The following KRT9 variants were observed in gnomAD, a reference collection of about 807,000 sequenced individuals.
KRT9 encodes the protein keratin 9.
In KRT9, 34 loss-of-function variants were observed where a neutral mutation model predicts 51.4. The observed-to-expected ratio is 0.66, with a 90% CI of 0.50 to 0.88. The LOEUF (loss-of-function observed/expected upper bound fraction) is 0.88. Among genes scored for constraint, KRT9 ranks in the 40% least tolerant of loss-of-function variants. The pLI is 0.00. For missense variants in KRT9, 753 were observed against 790.3 expected, an observed-to-expected ratio of 0.95 and a Z score of 0.57; for synonymous variants, 292 against 289.7, an observed-to-expected ratio of 1.01 and a Z score of -0.08.
chr17:41,568,768 T>C (rs1383013468), intron 4 of KRT9, 135 bp from the exon 5 acceptor site: 2 of 1,185,960 alleles, frequency 1.7e-6, no homozygotes, highest in Non-Finnish European at 1.2e-6. Context: ...TTCTGAGTTC[T>C]GGGTACCCTC....
rs188063906 is a variant in KRT9 at position 41,568,443 on chromosome 17, A to T, written c.1171-58T>A. ...CTACATCATAACTCCTCTTCTTCCC[A>T]CTCCTGGGCTGCAAAGACTTCCTGT... On this transcript the variant is annotated intron_variant, in intron 5 of 7. Transcript: ENST00000246662. 277 of 1,613,144 alleles carry T rather than the reference A, an allele frequency of 1.7e-4. 1 individual carries two copies. The highest frequency in any genetic ancestry group is 3.0e-4 in the Admixed American group (18 of 59,942).
intron 3 of KRT9, 75 bp downstream of exon 3, chr17:41,569,784 T>A: frequency 6.3e-7 from 1 of 1,585,340 alleles, no homozygotes; most frequent in Non-Finnish European, 8.7e-7. Context: ...CCAGGTAATG[T>A]TCCAAAGCTC....
intron 7 of KRT9, 79 bp downstream of exon 7, chr17:41,567,154 C>T: frequency 7.0e-6 from 11 of 1,579,472 alleles, no homozygotes; most frequent in Non-Finnish European, 9.4e-6. Flanking sequence ...TCTGTGTTCC[C>T]CAGAGATTCA....
At position 41,568,470 on chromosome 17, in the gene KRT9, C is replaced by A. The variant is rs749433660; in HGVS notation, c.1170+38G>T. The A allele has an allele frequency of 6.2e-6, 10 of 1,614,074 alleles. No homozygotes were observed. The Admixed American group carries it at 8.3e-5, about 13-fold the overall frequency. On this transcript the variant is annotated intron_variant, in intron 5 of 7. Coordinates refer to ENST00000246662, the MANE Select transcript of KRT9 (RefSeq NM_000226.4). ...TCCTGGGCTGCAAAGACTTCCTGTG[C>A]CCCACCTTGGCAAAGGGTCTATAGC...
intron 4 of KRT9, 55 bp downstream of exon 4, chr17:41,569,371 G>A: frequency 4.5e-6 from 7 of 1,546,294 alleles, no homozygotes; most frequent in Non-Finnish European, 6.2e-6. Context: ...TGGGAGGGAT[G>A]GAGATAGGAA....
In KRT9 at chr17:41,571,588, C is replaced by T; in HGVS notation, c.405G>A (p.Gly135=). ...CTCCTCCAGCACCACCTCCAAAGCC[C>T]CCAAACCCCCCAAACCCACTCCCAT... is the stretch of plus-strand genomic sequence containing the variant. ...GGYGSGFGGF[G]GFGGGAGGGD... is the part of the protein sequence containing the mutation. Residue 135 remains glycine, a synonymous_variant, in exon 1 of 8, where the codon GGG becomes GGA. Coordinates refer to ENST00000246662, the MANE Select transcript of KRT9 (RefSeq NM_000226.4). 1 of 1,598,832 alleles carries T rather than the reference C, an allele frequency of 6.3e-7. No individual in the cohort carries two copies. Among genetic ancestry groups the T allele is most frequent in the Non-Finnish European group, 8.5e-7 (1 of 1,169,632 alleles).
rs1906993752 is a variant in KRT9, at chr17:41,569,420, G to T, written c.1044+6C>A. 6.2e-7 allele frequency: 1 copy of T among 1,613,540 alleles called. No individual in the cohort carries two copies. The highest frequency in any genetic ancestry group is 1.3e-5 in the African/African-American group (1 of 75,008). ...GGAGGATGAATGGGCAGCCCACTCT[G>T]CTCACCTGAGTCTCATATTGATTCT... On this transcript the variant is annotated splice_donor_region_variant and intron_variant, in intron 4 of 7. Coordinates refer to ENST00000246662, the MANE Select transcript of KRT9 (RefSeq NM_000226.4).
chr17:41,566,677 A>G (rs1162638373), intron 7 of KRT9, among the ~76,000 whole-genome samples: 1 of 152,214 alleles, frequency 6.6e-6, no homozygotes, highest in Non-Finnish European at 1.5e-5. Context: ...TGATCTAGAG[A>G]CCAACTCACC....
chr17:41,566,659 A>G (rs1214096979), intron 7 of KRT9, among the ~76,000 whole-genome samples: 1 of 152,230 alleles, frequency 6.6e-6, no homozygotes, highest in African/African-American at 2.4e-5. Context: ...ACATGGGAAA[A>G]TGTTCCCTGA....
In KRT9 at chr17:41,571,459, G is replaced by C. The variant is rs759132079; in HGVS notation, c.534C>G (p.Asn178Lys). Reference protein sequence around the residue: ...LDKVQALEEANNDLENKIQDW... With the variant: ...LDKVQALEEAKNDLENKIQDW... Reference sequence around the variant, plus strand: ...CCTGGATCTTATTCTCCAGGTCGTTGTTGGCCTCCTCTAGAGCCTGCACCT... The same window carrying C: ...CCTGGATCTTATTCTCCAGGTCGTTCTTGGCCTCCTCTAGAGCCTGCACCT... Residue 178 changes from asparagine to lysine, a missense_variant, in exon 1 of 8, where the codon AAC (asparagine) becomes AAG (lysine). Asn to Lys is a moderately conservative substitution (Grantham distance 94, BLOSUM62 0). Coordinates refer to ENST00000246662, the MANE Select transcript of KRT9 (RefSeq NM_000226.4). 2 of 1,613,980 alleles carry C rather than the reference G, an allele frequency of 1.2e-6. No homozygotes were observed. The highest frequency in any genetic ancestry group is 1.7e-6 in the Non-Finnish European group (2 of 1,180,004).
chr17:41,568,203 G>A lies in KRT9; in HGVS notation c.1353C>T (p.Ile451=), dbSNP rs369840064. The A allele has an allele frequency of 1.6e-5, 26 of 1,613,862 alleles. No homozygotes were observed. The highest frequency in any genetic ancestry group is 9.4e-5 in the African/African-American group (7 of 74,862). Residue 451 remains isoleucine (I), a synonymous_variant, in exon 6 of 8, where the codon ATC becomes ATT. Coordinates refer to ENST00000246662, the MANE Select transcript of KRT9 (RefSeq NM_000226.4). ...CCTCAAGGAGGTTGTGGTAGGTCTC[G>A]ATTTCCTTCTCCAGCCGCATCTTAA... ...LSIKMRLEKE[I]ETYHNLLEGG...
rs886052911 is a variant in KRT9, at chr17:41,566,090, G to C, written c.*103C>G. The C allele has an allele frequency of 6.5e-6, 1 of 152,818 alleles. No homozygotes were observed. The highest frequency in any genetic ancestry group is 1.9e-4 in the East Asian group (1 of 5,200). 9.5% of individuals were successfully genotyped at this position (152,818 alleles called of 1,614,324 possible). A position where few individuals can be genotyped will look rare whatever the true frequency, so the allele number is the denominator to read the frequency against. On this transcript the variant is annotated 3_prime_UTR_variant, in exon 8 of 8. Coordinates refer to ENST00000246662, the MANE Select transcript of KRT9 (RefSeq NM_000226.4). ...GCTTCATCGGGAGTCTGCCCATCTG[G>C]GGATGCTCAGCTGGGGCTGGGCAGG...
chr17:41,569,667 A>T lies in KRT9; in HGVS notation c.883-80T>A, dbSNP rs993101513. ...TCAGAATTCTCCCTCTGGTCCCCCCAGGGTACAAAAAGGGGACACAGTTGT... is the reference window on the plus strand; with the variant it reads ...TCAGAATTCTCCCTCTGGTCCCCCCTGGGTACAAAAAGGGGACACAGTTGT... On this transcript the variant is annotated intron_variant, in intron 3 of 7. Transcript: ENST00000246662. The T allele has an allele frequency of 2.5e-6, 4 of 1,575,972 alleles. No homozygotes were observed. In the African/African-American group the frequency reaches 5.4e-5, roughly 21 times the overall value.
intron 1 of KRT9, among the ~76,000 whole-genome samples, 182 bp from the exon 2 acceptor site, chr17:41,570,402 G>T (rs1010084260): frequency 6.6e-6 from 1 of 152,228 alleles, no homozygotes; most frequent in African/African-American, 2.4e-5. Context: ...GATGTTTGGT[G>T]TGGCCTTCAT....
At position 41,568,375 on chromosome 17, in the gene KRT9, A is replaced by G; in HGVS notation, c.1181T>C (p.Leu394Pro). Residue 394 changes from leucine (L) to proline (P), a missense_variant, in exon 6 of 8, where the codon CTG (leucine) becomes CCG (proline). Around this residue, in one of 3 missense-constraint regions of KRT9, gnomAD observed 507 missense variants for 563.7 expected, o/e 0.90. Coordinates refer to ENST00000246662, the MANE Select transcript of KRT9 (RefSeq NM_000226.4). ...LQSQLSKKAA[L>P]EKSLEDTKNR... The stretch of plus-strand genomic sequence containing the variant: ...CTTCGTGTCTTCCAAGCTCTTCTCC[A>G]GAGCTGCTTTCTAAGGGTTAGGAGA... 6.2e-7 allele frequency: 1 copy of G among 1,614,112 alleles called. No individual in the cohort carries two copies. Among genetic ancestry groups the G allele is most frequent in the Non-Finnish European group, 8.5e-7 (1 of 1,179,990 alleles).
rs371291406 is a variant in KRT9, at chr17:41,569,996, G to A, written c.745C>T (p.Leu249=). Residue 249 remains leucine, a synonymous_variant, in exon 3 of 8, where the codon CTG becomes TTG. Transcript: ENST00000246662. The part of the protein sequence containing the change: ...FRIKFEMEQN[L]RQGVDADING... ...ATGTCAGCATCCACTCCTTGCCGCAGGTTTTGCTCCATCTCAAACCTGCAG... is the reference window on the plus strand; with the variant it reads ...ATGTCAGCATCCACTCCTTGCCGCAAGTTTTGCTCCATCTCAAACCTGCAG... The A allele has an allele frequency of 1.1e-4, 175 of 1,614,030 alleles. No homozygotes were observed. The highest frequency in any genetic ancestry group is 1.9e-5 in the Non-Finnish European group (23 of 1,180,036).
In KRT9 at chr17:41,571,873, G is replaced by GC; in HGVS notation, c.119dup (p.Gly41ArgfsTer11). The stretch of plus-strand genomic sequence containing the variant: ...AGCTGAATCGGCCCCCTCCTCCACC[G>GC]CCCCCTGAGGAGCTGAAGCGGCTGT... On this transcript the variant is annotated frameshift_variant, in exon 1 of 8. Transcript: ENST00000246662. LOFTEE classifies it high-confidence loss of function. 3 of 1,602,722 alleles carry GC rather than the reference G, an allele frequency of 1.9e-6. No individual in the cohort carries two copies. Among genetic ancestry groups the GC allele is most frequent in the African/African-American group, 2.7e-5 (2 of 72,956 alleles).
chr17:41,568,208 C>A lies in KRT9; in HGVS notation c.1348G>T (p.Glu450Ter). Residue 450 changes from glutamate (E) to a stop codon, truncating the protein, a stop_gained, in exon 6 of 8, where the codon GAA becomes TAA. Transcript: ENST00000246662. LOFTEE classifies it high-confidence loss of function. ...AGGAGGTTGTGGTAGGTCTCGATTT[C>A]CTTCTCCAGCCGCATCTTAATGCTG... ...LLSIKMRLEK[E>*]IETYHNLLEG... is the part of the protein sequence containing the mutation. 1.9e-6 allele frequency: 3 copies of A among 1,614,084 alleles called. 1 individual carries two copies. The South Asian group carries it at 3.3e-5, about 18-fold the overall frequency.
intron 6 of KRT9, among the ~76,000 whole-genome samples, 176 bp from the exon 7 acceptor site, chr17:41,567,926 C>T (rs1458924829): frequency 6.6e-6 from 1 of 152,120 alleles, no homozygotes; most frequent in African/African-American, 2.4e-5. Context: ...CCAGCTGAGA[C>T]TGTGGAGCCC....
Sources: allele counts gnomAD v4.1 joint callset (sites outside exome capture counted in the v4.1 genomes callset), GRCh38; gene constraint gnomAD v4.1.1; regional missense constraint gnomAD v4.1.1; transcripts MANE v1.5; gene names NCBI Gene and HGNC (gene_info 2026-07-23, HGNC 2026-07-21).